The following PLPPR5 variants were observed in gnomAD, a reference collection of about 807,000 sequenced individuals.
PLPPR5 encodes the protein phospholipid phosphatase-related protein type 5.
In PLPPR5, 16 loss-of-function variants were observed where a neutral mutation model predicts 33.9. The observed-to-expected ratio is 0.47, with a 90% CI of 0.32 to 0.72. The LOEUF is 0.72. Among genes scored for constraint, PLPPR5 ranks in the 30% least tolerant of loss-of-function variants. PLPPR5 has a pLI of 0.03. For missense variants in PLPPR5, 301 were observed against 406.7 expected (o/e 0.74, Z 2.23); for synonymous variants, 163 against 150.3 (o/e 1.08, Z -0.62).
chr1:98,912,918 C>A (rs897830249), intron 5 of PLPPR5, among the ~76,000 whole-genome samples: 5 of 152,118 alleles, frequency 3.3e-5, no homozygotes, highest in African/African-American at 4.8e-5. Flanking sequence ...TCTATCCTTA[C>A]CTGAATGCTT....
intron 1 of PLPPR5, among the ~76,000 whole-genome samples, 173 bp from the exon 2 acceptor site, chr1:98,956,914 G>A (rs894943937): frequency 1.2e-4 from 18 of 152,006 alleles, no homozygotes; most frequent in African/African-American, 4.4e-4. Flanking sequence ...CCGTATGTAT[G>A]TAAACCATAT....
chr1:98,979,783 G>T (rs1651992077), intron 1 of PLPPR5, among the ~76,000 whole-genome samples: 1 of 151,964 alleles, frequency 6.6e-6, no homozygotes, highest in African/African-American at 2.4e-5. Flanking sequence ...TCCCTCTCTT[G>T]ACTTTGAATC....
intron 3 of PLPPR5, among the ~76,000 whole-genome samples, chr1:98,950,041 G>C (rs1021486215): frequency 5.3e-5 from 8 of 152,162 alleles, no homozygotes; most frequent in Non-Finnish European, 1.0e-4. Context: ...CTGGATGCTG[G>C]TATTATGCAG....
chr1:98,978,450 C>G (rs1336354450), intron 1 of PLPPR5, among the ~76,000 whole-genome samples: 1 of 151,982 alleles, frequency 6.6e-6, no homozygotes, highest in Non-Finnish European at 1.5e-5. Flanking sequence ...TCATAACTCT[C>G]TTTCTCTTTC....
At chr1:98,944,048 T>C (rs572727244) in intron 3 of PLPPR5, among the ~76,000 whole-genome samples, 2 of 152,320 alleles carry the variant, frequency 1.3e-5, no homozygotes, top group South Asian at 2.1e-4. Flanking sequence ...TGATCACTTA[T>C]ATACAAGACA....
intron 3 of PLPPR5, among the ~76,000 whole-genome samples, chr1:98,923,373 T>A (rs1649641620): frequency 6.6e-6 from 1 of 152,150 alleles, no homozygotes; most frequent in African/African-American, 2.4e-5. Context: ...CTCAGAAAAA[T>A]TCTTAGAAAT....
In PLPPR5 at chr1:98,914,798, T is replaced by C. The variant is rs776158487; in HGVS notation, c.921A>G (p.Val307=). ...IPRVESPLEK[V]TSVQNHITAF... is the part of the protein sequence containing the mutation. Reference sequence around the variant, plus strand: ...AATTGTGAGTCACCTGTACAGATGTTACCTTTTCCAAAGGACTTTCTACTC... The same window carrying C: ...AATTGTGAGTCACCTGTACAGATGTCACCTTTTCCAAAGGACTTTCTACTC... The change falls in exon 5 of 6, where the codon GTA becomes GTG. Residue 307 remains valine (V), a synonymous_variant. Transcript: ENST00000263177. The C allele has an allele frequency of 1.2e-5, 19 of 1,612,798 alleles. No individual in the cohort carries two copies. Among genetic ancestry groups the C allele is most frequent in the Non-Finnish European group, 1.4e-5 (17 of 1,179,474 alleles).
chr1:98,947,443 A>G (rs1650597562), intron 3 of PLPPR5, among the ~76,000 whole-genome samples: 1 of 152,234 alleles, frequency 6.6e-6, no homozygotes, highest in African/African-American at 2.4e-5. Context: ...CTAGGTCTTT[A>G]GTCATTTACT....
At chr1:98,910,842 G>A (rs1162602197) in intron 5 of PLPPR5, among the ~76,000 whole-genome samples, 8 of 151,698 alleles carry the variant, frequency 5.3e-5, no homozygotes, top group African/African-American at 1.9e-4. Flanking sequence ...GCAGATATGG[G>A]GAGAATGTGC....
At chr1:98,970,208 A>C (rs1480401226) in intron 1 of PLPPR5, among the ~76,000 whole-genome samples, 1 of 152,090 alleles carries the variant, frequency 6.6e-6, no homozygotes, top group African/African-American at 2.4e-5. Context: ...CAAGCCATTA[A>C]AAATGTTTGA....
intron 5 of PLPPR5, among the ~76,000 whole-genome samples, chr1:98,911,319 C>T (rs1045841771): frequency 6.6e-6 from 1 of 152,062 alleles, no homozygotes; most frequent in Non-Finnish European, 1.5e-5. Context: ...TTCCTAGCTA[C>T]CGGAGTGAAA....
intron 1 of PLPPR5, among the ~76,000 whole-genome samples, chr1:98,960,884 C>T (rs1003281970): frequency 6.6e-5 from 10 of 152,202 alleles, no homozygotes; most frequent in Non-Finnish European, 1.2e-4. Context: ...CACACTTCTA[C>T]AGGCTCCTCC....
chr1:98,912,888 T>C (rs1649205341), intron 5 of PLPPR5, among the ~76,000 whole-genome samples: 2 of 149,854 alleles, frequency 1.3e-5, no homozygotes, highest in Admixed American at 1.3e-4. Flanking sequence ...AGTGTTAGTA[T>C]ATTATTATTA....
chr1:98,908,720 C>T (rs563213974), intron 5 of PLPPR5, among the ~76,000 whole-genome samples: 1 of 152,186 alleles, frequency 6.6e-6, no homozygotes, highest in East Asian at 1.9e-4. Flanking sequence ...GCTAATGGTA[C>T]CTAAAATGGG....
At chr1:98,917,508 T>G (rs1302522557) in intron 4 of PLPPR5, among the ~76,000 whole-genome samples, 1 of 152,196 alleles carries the variant, frequency 6.6e-6, no homozygotes, top group Non-Finnish European at 1.5e-5. Flanking sequence ...TTTCTTAATG[T>G]GTAAACTCTG....
At chr1:98,944,338 G>A (rs1650479074) in intron 3 of PLPPR5, among the ~76,000 whole-genome samples, 1 of 152,172 alleles carries the variant, frequency 6.6e-6, no homozygotes, top group Non-Finnish European at 1.5e-5. Flanking sequence ...GTATTGCTCT[G>A]CCCCATATAC....
At position 98,920,589 on chromosome 1, in the gene PLPPR5, T is replaced by C. The variant is rs866133308; in HGVS notation, c.798+1293A>G. ...ACCTTGGGAATCACAGAGAGTGGTA[T>C]CACCAAAAAAAAAAAAAAAAGCAGC... On this transcript the variant is annotated intron_variant, in intron 4 of 5. Transcript: ENST00000263177. Among the ~76,000 whole-genome samples the C allele has an allele frequency of 3.2e-3, 45 of 14,170 alleles. 1 individual carries two copies. The highest frequency in any genetic ancestry group is 6.9e-3 in the African/African-American group (43 of 6,222). The allele number at this position is 14,170 out of a possible 152,430, so 9.3% of individuals were successfully genotyped here.
intron 1 of PLPPR5, among the ~76,000 whole-genome samples, chr1:98,967,865 G>A (rs1570741914): frequency 6.6e-6 from 1 of 152,182 alleles, no homozygotes; most frequent in Non-Finnish European, 1.5e-5. Context: ...TTTTGGTAAG[G>A]GAGTAAAGGA....
intron 3 of PLPPR5, 76 bp downstream of exon 3, chr1:98,952,994 A>G: frequency 6.5e-7 from 1 of 1,540,118 alleles, no homozygotes; most frequent in Non-Finnish European, 8.8e-7. Flanking sequence ...TCATTATGGC[A>G]GAGAAAAAGA....
Sources: gnomAD v4.1 joint callset for allele counts (sites outside exome capture counted in the v4.1 genomes callset) on GRCh38, gnomAD v4.1.1 for gene constraint, MANE v1.5 for transcripts, NCBI Gene and HGNC (gene_info 2026-07-23, HGNC 2026-07-21) for gene names.